The following HHIPL1 variants were observed in gnomAD, a reference collection of about 807,000 sequenced individuals.
HHIPL1 encodes the protein HHIP-like protein 1.
In HHIPL1, 43 loss-of-function variants were observed where a neutral mutation model predicts 61.8. The observed-to-expected ratio is 0.70, with a 90% CI of 0.55 to 0.90. The LOEUF is 0.90. Ranked by LOEUF, HHIPL1 falls within the 40% of genes least tolerant of loss-of-function variation. The pLI is 0.00. For synonymous variants in HHIPL1, 482 were observed against 515.8 expected (o/e 0.93, Z 0.89); for missense variants, 1,056 against 1,157.7 (o/e 0.91, Z 1.28).
intron 1 of HHIPL1, among the ~76,000 whole-genome samples, chr14:99,645,876 T>G (rs898767045): frequency 2.0e-5 from 3 of 152,064 alleles, no homozygotes; most frequent in Admixed American, 6.5e-5. Flanking sequence ...CTTTGTGTTG[T>G]CCCCGGGGCA....
chr14:99,646,267 GGCA>G (rs1403596972), intron 1 of HHIPL1, among the ~76,000 whole-genome samples: 20 of 152,266 alleles, frequency 1.3e-4, no homozygotes, highest in Non-Finnish European at 2.4e-4. Flanking sequence ...GAGCAGGACG[GGCA>G]GCCCCAAGGC....
chr14:99,638,076 T>C, the HHIPL1 span, among the ~76,000 whole-genome samples: 1 of 152,198 alleles, frequency 6.6e-6, no homozygotes, highest in Non-Finnish European at 1.5e-5. Context: ...CTTCTTCTGT[T>C]CTTGGTAATT....
intron 1 of HHIPL1, among the ~76,000 whole-genome samples, chr14:99,649,142 A>T (rs2055887143): frequency 6.6e-6 from 1 of 152,148 alleles, no homozygotes. Flanking sequence ...CGTCGTGTGT[A>T]AGTAAGAGTA....
chr14:99,608,854 C>T, the HHIPL1 span, among the ~76,000 whole-genome samples: 1 of 152,226 alleles, frequency 6.6e-6, no homozygotes, highest in African/African-American at 2.4e-5. Flanking sequence ...CCCAAGGTCA[C>T]ATGGCTAGCA....
At chr14:99,629,703 A>G in the HHIPL1 span, among the ~76,000 whole-genome samples, 4 of 151,938 alleles carry the variant, frequency 2.6e-5, no homozygotes, top group Non-Finnish European at 5.9e-5. Context: ...AGGTTTCACC[A>G]TGTTGGCCAG....
In HHIPL1 at chr14:99,668,086, G is replaced by A. The variant is rs568630153; in HGVS notation, c.1649-136G>A. ...TCTGGGGACTGGACAGCTAGACTGA[G>A]CTGGGATGCCTCACGTGATGGCTAG... is the stretch of plus-strand genomic sequence containing the variant. On this transcript the variant is annotated intron_variant, in intron 6 of 8. Transcript: ENST00000330710. The surrounding 1 kb of genome is among the most constrained non-coding windows in gnomAD (Gnocchi z 4.7). The A allele has an allele frequency of 1.6e-4, 112 of 706,648 alleles. No homozygotes were observed. Among genetic ancestry groups the A allele is most frequent in the Non-Finnish European group, 2.2e-4 (84 of 379,128 alleles). The allele number at this position is 706,648 out of a possible 1,614,324, so 43.8% of individuals were successfully genotyped here. A position where few individuals can be genotyped will look rare whatever the true frequency, so the allele number is the denominator to read the frequency against.
chr14:99,637,193 A>G, the HHIPL1 span, among the ~76,000 whole-genome samples: 48 of 83,886 alleles, frequency 5.7e-4, no homozygotes, highest in African/African-American at 1.6e-3. Flanking sequence ...AGAATGGAAG[A>G]AAGAAAGGAA....
chr14:99,646,386 G>A (rs2055834236), intron 1 of HHIPL1, among the ~76,000 whole-genome samples: 1 of 152,278 alleles, frequency 6.6e-6, no homozygotes, highest in Non-Finnish European at 1.5e-5. Context: ...GTGTGGGGAA[G>A]GGCAAGAAGG....
chr14:99,649,035 G>C (rs1391507949), intron 1 of HHIPL1, among the ~76,000 whole-genome samples: 3 of 152,158 alleles, frequency 2.0e-5, no homozygotes, highest in Non-Finnish European at 4.4e-5. Context: ...TAAACACACT[G>C]AGGCCAAGCT....
chr14:99,637,795 G>A, the HHIPL1 span, among the ~76,000 whole-genome samples: 2 of 152,136 alleles, frequency 1.3e-5, no homozygotes, highest in South Asian at 4.2e-4. Context: ...CATACTACAC[G>A]CCAGGCACTC....
chr14:99,673,796 C>A (rs1453520148), intron 8 of HHIPL1, among the ~76,000 whole-genome samples: 3 of 50,236 alleles, frequency 6.0e-5, no homozygotes, highest in African/African-American at 2.6e-4. Context: ...AGGGGGGTGG[C>A]ATGGAGGGGG....
the HHIPL1 span, among the ~76,000 whole-genome samples, chr14:99,631,122 CTTTCT>C: frequency 6.8e-6 from 1 of 146,744 alleles, no homozygotes. Context: ...CTCTTTCTTT[CTTTCT>C]TTTTTTTTTT....
At chr14:99,605,433 G>T in the HHIPL1 span, among the ~76,000 whole-genome samples, 1 of 151,910 alleles carries the variant, frequency 6.6e-6, no homozygotes, top group Non-Finnish European at 1.5e-5. Flanking sequence ...TCAAATCCGC[G>T]CACGCGACAG....
At chr14:99,619,171 G>T in the HHIPL1 span, among the ~76,000 whole-genome samples, 1 of 152,164 alleles carries the variant, frequency 6.6e-6, no homozygotes, top group Non-Finnish European at 1.5e-5. Flanking sequence ...CTTAGAGTTG[G>T]CCGGGCACGG....
the HHIPL1 span, among the ~76,000 whole-genome samples, chr14:99,619,074 G>A: frequency 6.6e-6 from 1 of 152,106 alleles, no homozygotes; most frequent in Non-Finnish European, 1.5e-5. Flanking sequence ...GTGCCTCACC[G>A]AGCCTCACCA....
intron 3 of HHIPL1, among the ~76,000 whole-genome samples, chr14:99,658,997 A>G (rs1209538760): frequency 8.5e-5 from 13 of 152,170 alleles, no homozygotes; most frequent in Non-Finnish European, 1.5e-5. Flanking sequence ...AAGATTCCAC[A>G]GAGTGTGTGG....
chr14:99,649,031 C>T (rs2055885298), intron 1 of HHIPL1, among the ~76,000 whole-genome samples: 1 of 152,192 alleles, frequency 6.6e-6, no homozygotes, highest in South Asian at 2.1e-4. Flanking sequence ...CCCCTAAACA[C>T]ACTGAGGCCA....
chr14:99,642,728 A>G (rs561267741), upstream of HHIPL1, among the ~76,000 whole-genome samples: 30 of 151,864 alleles, frequency 2.0e-4, no homozygotes, highest in South Asian at 4.2e-4. Flanking sequence ...GTTTCACCGT[A>G]TTAGCCAGTA....
At chr14:99,673,775 GT>G (rs1343760525) in intron 8 of HHIPL1, among the ~76,000 whole-genome samples, 1 of 60,012 alleles carries the variant, frequency 1.7e-5, no homozygotes, top group African/African-American at 7.5e-5. Context: ...CACGGAGGGG[GT>G]GGTGCATTAA....
Sources: gnomAD v4.1 joint callset for allele counts (sites outside exome capture counted in the v4.1 genomes callset) on GRCh38, gnomAD v4.1.1 for gene constraint, Gnocchi (gnomAD v3.1) non-coding constraint, MANE v1.5 for transcripts, NCBI Gene and HGNC (gene_info 2026-07-23, HGNC 2026-07-21) for gene names.